The following TMEM117 variants were observed in gnomAD, a reference collection of about 807,000 sequenced individuals.
TMEM117 encodes the protein transmembrane protein 117.
A neutral mutation model predicts 52.4 loss-of-function variants in TMEM117; 27 were observed. That is an observed-to-expected ratio of 0.51 (90% confidence interval 0.38 to 0.71). The LOEUF (loss-of-function observed/expected upper bound fraction) is 0.71, where lower values mean the gene tolerates loss of function less well. Ranked by LOEUF, TMEM117 falls within the 30% of genes least tolerant of loss-of-function variation. The probability of loss-of-function intolerance (pLI) is 0.00; values close to 1 mark genes in which losing one functional copy is unlikely to be tolerated. For synonymous variants in TMEM117, 215 were observed against 206.3 expected (o/e 1.04, Z -0.36); for missense variants, 556 against 630.5 (o/e 0.88, Z 1.26).
At chr12:44,235,031 T>C (rs1949978656) in intron 5 of TMEM117, among the ~76,000 whole-genome samples, 2 of 151,690 alleles carry the variant, frequency 1.3e-5, no homozygotes, top group Non-Finnish European at 1.5e-5. Flanking sequence ...TACTGAGAGC[T>C]ACATGTAAGT....
intron 2 of TMEM117, among the ~76,000 whole-genome samples, chr12:43,891,458 C>T (rs529176228): frequency 1.3e-4 from 18 of 140,866 alleles, no homozygotes; most frequent in Non-Finnish European, 1.5e-4. Context: ...CTGCAAGCTC[C>T]GCCTCCCAGG....
At position 44,100,536 on chromosome 12, in the gene TMEM117, G is replaced by A. The variant is rs1367943566; in HGVS notation, c.411-42989G>A. Reference sequence around the variant, plus strand: ...AAAGCTTACTCATTGCCAAGTGATGGTGTGTTTTCACCCATAAAATATAAT... The same window carrying A: ...AAAGCTTACTCATTGCCAAGTGATGATGTGTTTTCACCCATAAAATATAAT... On this transcript the variant is annotated intron_variant, in intron 3 of 7. Transcript: ENST00000266534. Among the ~76,000 whole-genome samples, 3 of 151,934 alleles carry A rather than the reference G, an allele frequency of 2.0e-5. No homozygotes were observed. The East Asian group carries it at 5.8e-4, about 29-fold the overall frequency.
At chr12:44,181,806 C>T (rs1949203862) in intron 4 of TMEM117, among the ~76,000 whole-genome samples, 2 of 150,760 alleles carry the variant, frequency 1.3e-5, no homozygotes, top group Admixed American at 6.6e-5. Flanking sequence ...CAGCTTTGTT[C>T]TTTTGGCTTA....
intron 6 of TMEM117, among the ~76,000 whole-genome samples, chr12:44,360,962 AAT>A (rs1245057796): frequency 1.3e-5 from 2 of 152,184 alleles, no homozygotes; most frequent in African/African-American, 4.8e-5. Flanking sequence ...TGGCTTTAGC[AAT>A]AGTGTTCAAA....
At chr12:44,321,885 A>T (rs926950433) in intron 6 of TMEM117, among the ~76,000 whole-genome samples, 1 of 152,222 alleles carries the variant, frequency 6.6e-6, no homozygotes, top group Non-Finnish European at 1.5e-5. Flanking sequence ...ATCTTTAAAT[A>T]TGCATTTACT....
intron 5 of TMEM117, among the ~76,000 whole-genome samples, chr12:44,256,281 C>T (rs1242823513): frequency 6.6e-6 from 1 of 151,766 alleles, no homozygotes; most frequent in African/African-American, 2.4e-5. Flanking sequence ...AGGAACAAGA[C>T]TTTTGCCTGC....
At chr12:44,324,700 C>G (rs1417998058) in intron 6 of TMEM117, among the ~76,000 whole-genome samples, 1 of 152,082 alleles carries the variant, frequency 6.6e-6, no homozygotes, top group Non-Finnish European at 1.5e-5. Flanking sequence ...GAATTATCTT[C>G]TATGTTACTG....
At chr12:44,130,648 T>G (rs1181756526) in intron 3 of TMEM117, among the ~76,000 whole-genome samples, 1 of 152,142 alleles carries the variant, frequency 6.6e-6, no homozygotes, top group Non-Finnish European at 1.5e-5. Context: ...CATCCATTCT[T>G]CTGGGCCTGG....
At chr12:43,892,057 G>C (rs896655157) in intron 2 of TMEM117, among the ~76,000 whole-genome samples, 1 of 152,034 alleles carries the variant, frequency 6.6e-6, no homozygotes, top group Non-Finnish European at 1.5e-5. Context: ...AAATACTCCT[G>C]GTATCAGGAG....
the TMEM117 span, chr12:43,805,947 T>A: frequency 1.2e-5 from 19 of 1,536,576 alleles, no homozygotes; most frequent in Middle Eastern, 1.7e-4. Flanking sequence ...CACGCCCCCT[T>A]CAACCAGGCC....
At chr12:43,869,294 G>C (rs144013051) in intron 2 of TMEM117, among the ~76,000 whole-genome samples, 1 of 152,118 alleles carries the variant, frequency 6.6e-6, no homozygotes, top group Non-Finnish European at 1.5e-5. Flanking sequence ...AAGCAAAAGG[G>C]AGAGTCAAGG....
At chr12:44,002,393 C>T (rs1592430081) in intron 3 of TMEM117, among the ~76,000 whole-genome samples, 1 of 63,314 alleles carries the variant, frequency 1.6e-5, no homozygotes, top group South Asian at 7.9e-4. Context: ...TCTTTTGCTA[C>T]CAAACTCAGA....
Position 44,212,713 on chromosome 12 carries a change from C to A in TMEM117, c.608+1326C>A, listed in dbSNP as rs1423613989. Among the ~76,000 whole-genome samples the A allele has an allele frequency of 2.0e-5, 3 of 151,874 alleles. No individual in the cohort carries two copies. In the East Asian group the frequency reaches 5.8e-4, roughly 29 times the overall value. ...GACTACTGTAATTGATTATAGCTGG[C>A]TCTGATGTATATTATCCTGTATACC... On this transcript the variant is annotated intron_variant, in intron 5 of 7. Coordinates refer to ENST00000266534, the MANE Select transcript of TMEM117 (RefSeq NM_032256.3).
the TMEM117 span, chr12:43,806,219 A>G: frequency 6.5e-7 from 1 of 1,540,196 alleles, no homozygotes. Flanking sequence ...GGGCGCTGTT[A>G]CCTTGGATGC....
chr12:44,397,526 A>G, the TMEM117 span, among the ~76,000 whole-genome samples: 1 of 152,340 alleles, frequency 6.6e-6, no homozygotes, highest in African/African-American at 2.4e-5. Context: ...TGGAAAATAA[A>G]CACAAGTCGG....
intron 3 of TMEM117, among the ~76,000 whole-genome samples, chr12:44,102,766 A>T (rs1200090939): frequency 6.6e-6 from 1 of 151,982 alleles, no homozygotes; most frequent in Non-Finnish European, 1.5e-5. Flanking sequence ...CCCCACCCAA[A>T]TCTCATCTTA....
At chr12:43,912,306 A>G (rs1216794539) in intron 2 of TMEM117, among the ~76,000 whole-genome samples, 1,842 of 146,340 alleles carry the variant, frequency 0.013, 34 homozygotes, top group African/African-American at 0.044. Flanking sequence ...ATGAGAACAC[A>G]TGGACACAGG....
At chr12:43,875,567 T>G (rs975908051) in intron 2 of TMEM117, among the ~76,000 whole-genome samples, 3 of 152,216 alleles carry the variant, frequency 2.0e-5, no homozygotes, top group Admixed American at 1.3e-4. Context: ...CAATAAAGTT[T>G]CTCTCATAAA....
intron 1 of TMEM117, among the ~76,000 whole-genome samples, chr12:43,843,020 C>T (rs1420692000): frequency 2.0e-5 from 3 of 152,060 alleles, no homozygotes; most frequent in South Asian, 2.1e-4. Context: ...TGTGTCAGCC[C>T]CAATTTCCAC....
Sources: allele counts gnomAD v4.1 joint callset (sites outside exome capture counted in the v4.1 genomes callset), GRCh38; gene constraint gnomAD v4.1.1; transcripts MANE v1.5; gene names NCBI Gene and HGNC (gene_info 2026-07-23, HGNC 2026-07-21).